The following VWF variants were observed in gnomAD, a reference collection of about 807,000 sequenced individuals.
The protein encoded by VWF is Factor VIII related antigen.
VWF carries 176 observed loss-of-function variants against 308.6 expected under a neutral mutation model. The observed-to-expected ratio is 0.57, with a 90% CI of 0.50 to 0.65. VWF has a LOEUF of 0.65. VWF is among the 30% of genes least tolerant of loss of function. The pLI, the probability that VWF is intolerant of heterozygous loss-of-function variation, is 0.00. For synonymous variants in VWF, 1,385 were observed against 1,443.4 expected, an observed-to-expected ratio of 0.96 and a Z score of 0.92; for missense variants, 3,146 against 3,648.2, an observed-to-expected ratio of 0.86 and a Z score of 3.55.
Position 6,034,582 on chromosome 12 carries a change from C to A in VWF, c.2685+106G>T, listed in dbSNP as rs138564551. On this transcript the variant is annotated intron_variant, in intron 20 of 51. Coordinates refer to ENST00000261405, the MANE Select transcript of VWF (RefSeq NM_000552.5). ...GGAAGTACTCCAGTAGAAACCAGAC[C>A]CCAGAGTTGTTTCTGCAGACAGATC... 5.8e-6 allele frequency: 9 copies of A among 1,564,592 alleles called. No individual in the cohort carries two copies. The African/African-American group carries it at 6.8e-5, about 12-fold the overall frequency.
intron 15 of VWF, 80 bp downstream of exon 15, chr12:6,056,777 G>T: frequency 8.3e-7 from 1 of 1,202,208 alleles, no homozygotes; most frequent in Non-Finnish European, 1.1e-6. Context: ...AGGAAACAAC[G>T]CAGAGAAAGG....
rs1565822788 is a variant in VWF, at chr12:5,994,027, G to GT, written c.6432dup (p.Pro2145ThrfsTer5). ...ACCTTGTGGCATTCAGCAAACAGTG[G>GT]TAAGAGGAGGACCTGGCAGTGGGAG... On this transcript the variant is annotated frameshift_variant, in exon 37 of 52. Coordinates refer to ENST00000261405, the MANE Select transcript of VWF (RefSeq NM_000552.5). LOFTEE classifies it high-confidence loss of function. 6.2e-7 allele frequency: 1 copy of GT among 1,614,188 alleles called. No homozygotes were observed. The highest frequency in any genetic ancestry group is 1.3e-5 in the African/African-American group (1 of 75,038).
At chr12:6,085,720 GGGGGGGCGC>G in intron 6 of VWF, among the ~76,000 whole-genome samples, 1 of 149,122 alleles carries the variant, frequency 6.7e-6, no homozygotes, top group Non-Finnish European at 1.5e-5. Context: ...TGGGCGGGGA[GGGGGGGCGC>G]GGGGGGCGGG....
At chr12:5,978,991 G>A (rs1304561541) in intron 42 of VWF, among the ~76,000 whole-genome samples, 1 of 152,136 alleles carries the variant, frequency 6.6e-6, no homozygotes, top group Non-Finnish European at 1.5e-5. Flanking sequence ...CAACTTAAAA[G>A]AGCCCCCATT....
At position 6,016,549 on chromosome 12, in the gene VWF, C is replaced by T. The variant is rs61750604; in HGVS notation, c.5278G>A (p.Val1760Ile). ...CTGGGGCCTCCCTCCCGCTGCATGA[C>T]GTCCACAAGGCTCAGCAAATGGGCT... ...EKAHLLSLVD[V>I]MQREGGPSQI... The change falls in exon 30 of 52, where the codon GTC becomes ATC. Residue 1760 changes from valine (V) to isoleucine (I), a missense_variant. Transcript: ENST00000261405. The T allele has an allele frequency of 1.1e-3, 1,695 of 1,614,194 alleles. 4 individuals carry two copies. Among genetic ancestry groups the T allele is most frequent in the Non-Finnish European group, 1.3e-3 (1,540 of 1,180,038 alleles).
In VWF at chr12:6,001,220, G is replaced by A. The variant is rs530666296; in HGVS notation, c.5843-4998C>T. 1.4e-4 allele frequency among the ~76,000 whole-genome samples: 22 copies of A among 152,180 alleles called. No individual in the cohort carries two copies. The South Asian group carries it at 3.9e-3, about 27-fold the overall frequency. Reference sequence around the variant, plus strand: ...CATAAACCTTCCTAGACACCTTAACGTATCACCACATTTATAAATGAAAAA... The same window carrying A: ...CATAAACCTTCCTAGACACCTTAACATATCACCACATTTATAAATGAAAAA... On this transcript the variant is annotated intron_variant, in intron 34 of 51. Transcript: ENST00000261405.
chr12:6,112,821 CACACAG>C (rs1945322820), intron 3 of VWF, among the ~76,000 whole-genome samples: 1 of 142,596 alleles, frequency 7.0e-6, no homozygotes, highest in African/African-American at 3.1e-5. Flanking sequence ...CACACACAGA[CACACAG>C]ACACACACAC....
chr12:6,111,829 G>T (rs1945311151), intron 3 of VWF, among the ~76,000 whole-genome samples: 1 of 152,054 alleles, frequency 6.6e-6, no homozygotes, highest in African/African-American at 2.4e-5. Context: ...GAGGTGGCTG[G>T]CGTCTGTGGT....
intron 4 of VWF, 71 bp from the exon 5 acceptor site, chr12:6,110,653 C>A: frequency 2.6e-6 from 4 of 1,522,944 alleles, no homozygotes; most frequent in Non-Finnish European, 3.6e-6. Context: ...CACCTTCTAA[C>A]CCCAACCCCA....
chr12:6,005,456 A>T (rs1943915196), intron 34 of VWF, among the ~76,000 whole-genome samples: 1 of 152,216 alleles, frequency 6.6e-6, no homozygotes, highest in African/African-American at 2.4e-5. Flanking sequence ...ATTAAAACCC[A>T]ATGGAAAGTA....
At chr12:6,116,145 T>C (rs1945363993) in intron 3 of VWF, among the ~76,000 whole-genome samples, 1 of 152,138 alleles carries the variant, frequency 6.6e-6, no homozygotes, top group Admixed American at 6.5e-5. Context: ...GAGAGACCCC[T>C]GCACTCCACA....
Position 5,951,851 on chromosome 12 carries a change from A to T in VWF, c.8148T>A (p.Cys2716Ter), listed in dbSNP as rs1565806605. 1 of 1,614,238 alleles carries T rather than the reference A, an allele frequency of 6.2e-7. No individual in the cohort carries two copies. The highest frequency in any genetic ancestry group is 8.5e-7 in the Non-Finnish European group (1 of 1,180,036). Residue 2716 changes from cysteine to a stop codon, truncating the protein, a stop_gained, in exon 50 of 52, where the codon TGT (cysteine) becomes TGA (stop). Transcript: ENST00000261405. LOFTEE classifies it high-confidence loss of function. ...TATTAGTAACGCACTCACATGTGTC[A>T]CAGCAGGTGCCTGGAATTTTCATAA... Reference protein sequence around the residue: ...GKIMKIPGTCCDTCEEPECND... With the variant: ...GKIMKIPGTC
At chr12:6,091,294 G>A (rs1244748276) in intron 6 of VWF, among the ~76,000 whole-genome samples, 3 of 151,212 alleles carry the variant, frequency 2.0e-5, no homozygotes, top group Admixed American at 2.0e-4. Flanking sequence ...GGGGGTGGGT[G>A]GGAGGAGGGA....
rs560569519 is a variant in VWF at position 6,079,442 on chromosome 12, T to TA, written c.658-3892dup. ...TAACACGGTGAAACCCCATCTCTAC[T>TA]AAAAATACAAAAAAAAAATTAGCCG... is the stretch of plus-strand genomic sequence containing the variant. On this transcript the variant is annotated intron_variant, in intron 6 of 51. Transcript: ENST00000261405. Among the ~76,000 whole-genome samples the TA allele has an allele frequency of 8.2e-5, 12 of 146,306 alleles. No individual in the cohort carries two copies. The South Asian group carries it at 2.8e-3, about 34-fold the overall frequency.
chr12:5,988,293 G>A (rs534772478), intron 38 of VWF, among the ~76,000 whole-genome samples: 4 of 152,332 alleles, frequency 2.6e-5, no homozygotes, highest in South Asian at 2.1e-4. Context: ...CATGCAGGAC[G>A]GAAAAGGGAA....
In VWF at chr12:6,019,359, C is replaced by A. The variant is rs752550181; in HGVS notation, c.4059G>T (p.Gln1353His). The change falls in exon 28 of 52, where the codon CAG becomes CAT. Residue 1353 changes from glutamine (Q) to histidine (H), a missense_variant. Coordinates refer to ENST00000261405, the MANE Select transcript of VWF (RefSeq NM_000552.5). The surrounding 1 kb of genome is among the most constrained non-coding windows in gnomAD (Gnocchi z 5.8). Reference protein sequence around the residue: ...IASQVKYAGSQVASTSEVLKY... With the variant: ...IASQVKYAGSHVASTSEVLKY... ...TCAAGACCTCGCTGGTGGAGGCCAC[C>A]TGGCTGCCCGCATACTTCACCTGGC... 3 of 1,613,954 alleles carry A rather than the reference C, an allele frequency of 1.9e-6. No individual in the cohort carries two copies. Among genetic ancestry groups the A allele is most frequent in the Non-Finnish European group, 1.7e-6 (2 of 1,179,870 alleles).
chr12:6,094,486 G>A (rs1945083416), intron 6 of VWF, among the ~76,000 whole-genome samples: 1 of 152,200 alleles, frequency 6.6e-6, no homozygotes, highest in Non-Finnish European at 1.5e-5. Flanking sequence ...GGAGATATTT[G>A]GGGACAAAAG....
At chr12:5,996,325 G>T in intron 34 of VWF, 103 bp from the exon 35 acceptor site, 1 of 1,063,222 alleles carries the variant, frequency 9.4e-7, no homozygotes, top group Non-Finnish European at 1.4e-6. Context: ...GATAAATACA[G>T]TAGAGAATGG....
chr12:6,110,873 C>A lies in VWF; in HGVS notation c.316G>T (p.Asp106Tyr). Residue 106 changes from aspartate (D) to tyrosine (Y), a missense_variant, in exon 4 of 52, where the codon GAC becomes TAC. Asp to Tyr is a radical substitution (Grantham distance 160). Coordinates refer to ENST00000261405, the MANE Select transcript of VWF (RefSeq NM_000552.5). ...CAGACATTGTTGGCTTACCTTTGGT[C>A]CCCCTGTGTCACGGTACCATTGACA... ...LFVNGTVTQG[D>Y]QRVSMPYASK... 6.2e-7 allele frequency: 1 copy of A among 1,613,976 alleles called. No individual in the cohort carries two copies. The highest frequency in any genetic ancestry group is 8.5e-7 in the Non-Finnish European group (1 of 1,179,922).
Sources: allele counts gnomAD v4.1 joint callset (sites outside exome capture counted in the v4.1 genomes callset), GRCh38; gene constraint gnomAD v4.1.1; non-coding constraint Gnocchi (gnomAD v3.1); transcripts MANE v1.5; gene names NCBI Gene and HGNC (gene_info 2026-07-23, HGNC 2026-07-21).